USP1: variants seen among roughly 807,000 people sequenced by gnomAD.
USP1 encodes ubiquitin specific peptidase 1.
USP1 carries 18 observed loss-of-function variants against 72.2 expected under a neutral mutation model. That is an observed-to-expected ratio of 0.25 (90% confidence interval 0.17 to 0.37). The LOEUF is 0.37. Ranked by LOEUF, USP1 falls within the 10% of genes least tolerant of loss-of-function variation. USP1 has a pLI of 1.00. For synonymous variants in USP1, 354 were observed against 303.7 expected, an observed-to-expected ratio of 1.17 and a Z score of -1.72; for missense variants, 759 against 884.9, an observed-to-expected ratio of 0.86 and a Z score of 1.81.
Position 62,451,055 on chromosome 1 carries a change from A to G in USP1, c.*74A>G. ...TTGGTAAAGTTGATTACATCAAAGA[A>G]TCTTTAGCTTATCTTTTGAAGCTAC... is the stretch of plus-strand genomic sequence containing the variant. On this transcript the variant is annotated 3_prime_UTR_variant, in exon 9 of 9. Coordinates refer to ENST00000339950, the MANE Select transcript of USP1 (RefSeq NM_003368.5). The G allele has an allele frequency of 7.2e-7, 1 of 1,383,690 alleles. No individual in the cohort carries two copies. The highest frequency in any genetic ancestry group is 9.6e-7 in the Non-Finnish European group (1 of 1,038,096). 85.7% of individuals were successfully genotyped at this position (1,383,690 alleles called of 1,614,324 possible). A position where few individuals can be genotyped will look rare whatever the true frequency, so the allele number is the denominator to read the frequency against.
chr1:62,451,038 G>C lies in USP1; in HGVS notation c.*57G>C. On this transcript the variant is annotated 3_prime_UTR_variant, in exon 9 of 9. Coordinates refer to ENST00000339950, the MANE Select transcript of USP1 (RefSeq NM_003368.5). ...ACACACCCATACAAACATTGGTAAA[G>C]TTGATTACATCAAAGAATCTTTAGC... The C allele has an allele frequency of 6.9e-7, 1 of 1,452,472 alleles. No individual in the cohort carries two copies. Among genetic ancestry groups the C allele is most frequent in the Non-Finnish European group, 9.1e-7 (1 of 1,094,560 alleles). 90.0% of individuals were successfully genotyped at this position (1,452,472 alleles called of 1,614,324 possible).
At chr1:62,442,486 G>A (rs903714161) in intron 4 of USP1, among the ~76,000 whole-genome samples, 187 bp downstream of exon 4, 4 of 151,792 alleles carry the variant, frequency 2.6e-5, no homozygotes, top group Non-Finnish European at 4.4e-5. Flanking sequence ...CTTTTACAAT[G>A]TTTGCTCCTG....
chr1:62,441,470 C>T lies in USP1; in HGVS notation c.171-18C>T. 2 of 1,580,812 alleles carry T rather than the reference C, an allele frequency of 1.3e-6. No homozygotes were observed. The highest frequency in any genetic ancestry group is 1.7e-6 in the Non-Finnish European group (2 of 1,168,036). On this transcript the variant is annotated intron_variant, in intron 2 of 8. Transcript: ENST00000339950. The stretch of plus-strand genomic sequence containing the variant: ...CTTTAAGATAACTACTTATCGTTCT[C>T]CCTTCTATATTTCATAGTGATCAAG...
At chr1:62,444,361 A>G (rs529339461) in intron 5 of USP1, among the ~76,000 whole-genome samples, 12 of 151,116 alleles carry the variant, frequency 7.9e-5, no homozygotes, top group Non-Finnish European at 1.5e-4. Flanking sequence ...TGGGCAAGTT[A>G]TTTAACCTGT....
chr1:62,450,228 C>CT lies in USP1; in HGVS notation c.1623-11dup, dbSNP rs1266110832. The CT allele has an allele frequency of 6.3e-7, 1 of 1,584,114 alleles. No homozygotes were observed. Among genetic ancestry groups the CT allele is most frequent in the Non-Finnish European group, 8.6e-7 (1 of 1,165,952 alleles). On this transcript the variant is annotated splice_polypyrimidine_tract_variant and intron_variant, in intron 8 of 8. Coordinates refer to ENST00000339950, the MANE Select transcript of USP1 (RefSeq NM_003368.5). ...AAAATAGAACTGCAGGAAACCTTTTCTTTTTTTCCTCCCAAAGGTTTGATT... is the reference window on the plus strand; with the variant it reads ...AAAATAGAACTGCAGGAAACCTTTTCTTTTTTTTCCTCCCAAAGGTTTGATT...
intron 4 of USP1, 119 bp downstream of exon 4, chr1:62,442,418 C>T (rs939599225): frequency 4.7e-5 from 33 of 699,166 alleles, no homozygotes; most frequent in Admixed American, 9.4e-5. Flanking sequence ...TCTCTGTTAG[C>T]GAGCTATTGT....
At chr1:62,437,423 G>A (rs914278129) in intron 1 of USP1, 23 bp downstream of exon 1, 82 of 365,518 alleles carry the variant, frequency 2.2e-4, no homozygotes, top group East Asian at 1.1e-3. Context: ...TGGGAGGAGG[G>A]GCCGGCTCCC....
chr1:62,438,738 T>G (rs999340589), intron 1 of USP1, among the ~76,000 whole-genome samples: 1 of 152,206 alleles, frequency 6.6e-6, no homozygotes, highest in Non-Finnish European at 1.5e-5. Flanking sequence ...AGTTTTACTT[T>G]AAAACAGGGT....
chr1:62,438,616 T>C (rs997927989), intron 1 of USP1, among the ~76,000 whole-genome samples: 2 of 152,234 alleles, frequency 1.3e-5, no homozygotes, highest in Non-Finnish European at 1.5e-5. Context: ...AGTAATTTTA[T>C]GGTAATACTC....
chr1:62,448,402 C>T, intron 7 of USP1, 63 bp from the exon 8 acceptor site: 1 of 1,500,126 alleles, frequency 6.7e-7, no homozygotes, highest in South Asian at 1.2e-5. Flanking sequence ...GAACCTGAAA[C>T]TTTGTGGTTT....
intron 2 of USP1, among the ~76,000 whole-genome samples, chr1:62,441,278 T>C (rs544933697): frequency 1.9e-4 from 29 of 152,246 alleles, no homozygotes; most frequent in Non-Finnish European, 3.8e-4. Context: ...TGGCTTGTTA[T>C]GTGTAATAAT....
At chr1:62,448,004 T>C (rs1278393778) in intron 7 of USP1, among the ~76,000 whole-genome samples, 1 of 152,156 alleles carries the variant, frequency 6.6e-6, no homozygotes, top group Non-Finnish European at 1.5e-5. Flanking sequence ...GCCAGGATGG[T>C]CTCAATCTCC....
At position 62,451,036 on chromosome 1, in the gene USP1, A is replaced by T; in HGVS notation, c.*55A>T. 6.8e-7 allele frequency: 1 copy of T among 1,462,456 alleles called. No homozygotes were observed. Among genetic ancestry groups the T allele is most frequent in the Non-Finnish European group, 9.1e-7 (1 of 1,102,276 alleles). The allele number at this position is 1,462,456 out of a possible 1,614,324, so 90.6% of individuals were successfully genotyped here. On this transcript the variant is annotated 3_prime_UTR_variant, in exon 9 of 9. Coordinates refer to ENST00000339950, the MANE Select transcript of USP1 (RefSeq NM_003368.5). ...AAACACACCCATACAAACATTGGTA[A>T]AGTTGATTACATCAAAGAATCTTTA...
chr1:62,441,725 TTAA>T, intron 3 of USP1, 117 bp downstream of exon 3: 1 of 1,211,456 alleles, frequency 8.3e-7, no homozygotes, highest in African/African-American at 1.6e-5. Flanking sequence ...CCTTTGATTG[TTAA>T]TAAACCAGAA....
At chr1:62,442,340 A>G in intron 4 of USP1, 41 bp downstream of exon 4, 4 of 1,437,090 alleles carry the variant, frequency 2.8e-6, no homozygotes, top group Non-Finnish European at 3.8e-6. Flanking sequence ...AAAAAGCAAA[A>G]GTAAATTAAT....
chr1:62,437,127 C>A lies in USP1; in HGVS notation c.-343C>A, dbSNP rs951988880. 5.0e-6 allele frequency: 2 copies of A among 399,052 alleles called. No homozygotes were observed. Among genetic ancestry groups the A allele is most frequent in the Non-Finnish European group, 8.8e-6 (2 of 226,162 alleles). The allele number at this position is 399,052 out of a possible 1,614,324, so 24.7% of individuals were successfully genotyped here. On this transcript the variant is annotated 5_prime_UTR_variant, in exon 1 of 9. Transcript: ENST00000339950. ...AGGCGTTCGGCGAGCGGGGCCGCTG[C>A]TTGTTGCGCTCCTGGCTCTCCCGGG...
intron 5 of USP1, among the ~76,000 whole-genome samples, chr1:62,444,080 G>A (rs1330916907): frequency 6.6e-6 from 1 of 151,968 alleles, no homozygotes; most frequent in Non-Finnish European, 1.5e-5. Context: ...CCAACATGGT[G>A]AAACCCTGCC....
rs138266056 is a variant in USP1, at chr1:62,439,906, A to G, written c.39A>G (p.Ser13=). 7.1e-6 allele frequency: 11 copies of G among 1,546,158 alleles called. No individual in the cohort carries two copies. Among genetic ancestry groups the G allele is most frequent in the Non-Finnish European group, 8.7e-6 (10 of 1,152,572 alleles). The change falls in exon 2 of 9, where the codon TCA becomes TCG. Residue 13 remains serine (S), a synonymous_variant. Transcript: ENST00000339950. ...GVIPSESNGL[S]RGSPSKKNRL... Reference sequence around the variant, plus strand: ...TACCTAGTGAAAGTAATGGACTTTCAAGAGGTAGCCCTTCAAAGAAAAACA... The same window carrying G: ...TACCTAGTGAAAGTAATGGACTTTCGAGAGGTAGCCCTTCAAAGAAAAACA...
At chr1:62,443,365 T>G (rs1645146497) in intron 5 of USP1, 46 bp downstream of exon 5, 13 of 1,519,974 alleles carry the variant, frequency 8.6e-6, no homozygotes, top group Middle Eastern at 3.6e-4. Context: ...AGCTACTTGT[T>G]TATATCCTTG....
Sources: allele counts gnomAD v4.1 joint callset (sites outside exome capture counted in the v4.1 genomes callset), GRCh38; gene constraint gnomAD v4.1.1; transcripts MANE v1.5; gene names NCBI Gene and HGNC (gene_info 2026-07-23, HGNC 2026-07-21).